Variants in MED27 observed in about 807,000 individuals in gnomAD.
MED27 encodes the protein mediator of RNA polymerase II transcription subunit 27.
MED27 carries 30 observed loss-of-function variants against 38.2 expected under a neutral mutation model. The ratio of observed to expected loss-of-function variants is 0.79; its 90% confidence interval spans 0.59 to 1.07. MED27 has a LOEUF of 1.07. MED27 is among the 50% of genes least tolerant of loss of function. The probability of loss-of-function intolerance (pLI) is 0.00; values close to 1 mark genes in which losing one functional copy is unlikely to be tolerated. For missense variants in MED27, 289 were observed against 397.5 expected, an observed-to-expected ratio of 0.73 and a Z score of 2.32; for synonymous variants, 122 against 153.5, an observed-to-expected ratio of 0.79 and a Z score of 1.52.
At chr9:132,014,108 A>C (rs1832540877) in intron 3 of MED27, among the ~76,000 whole-genome samples, 1 of 151,212 alleles carries the variant, frequency 6.6e-6, no homozygotes, top group African/African-American at 2.4e-5. Flanking sequence ...TGGGAAGCTG[A>C]GACACGAGAA....
chr9:132,054,406 G>A (rs967403474), intron 2 of MED27, among the ~76,000 whole-genome samples: 7 of 152,128 alleles, frequency 4.6e-5, no homozygotes, highest in Admixed American at 3.9e-4. Context: ...CCTGCAGAAC[G>A]GTGAACCAAT....
chr9:132,035,212 C>A (rs567103199), intron 2 of MED27, among the ~76,000 whole-genome samples: 10 of 152,270 alleles, frequency 6.6e-5, no homozygotes, highest in African/African-American at 2.4e-4. Flanking sequence ...CCAAATGAGC[C>A]CAATACCTGC....
intron 3 of MED27, among the ~76,000 whole-genome samples, chr9:131,989,781 TAA>T (rs775945545): frequency 5.0e-5 from 7 of 140,274 alleles, no homozygotes; most frequent in Non-Finnish European, 6.2e-5. Context: ...TAAACATACT[TAA>T]AAAAAAAAAA....
intron 2 of MED27, among the ~76,000 whole-genome samples, chr9:132,070,532 G>A (rs1833914014): frequency 6.6e-6 from 1 of 152,148 alleles, no homozygotes; most frequent in Non-Finnish European, 1.5e-5. Context: ...ACTCCAGCCT[G>A]GGCAACACAG....
At position 132,003,987 on chromosome 9, in the gene MED27, C is replaced by T. The variant is rs1278953203; in HGVS notation, c.479+10350G>A. Among the ~76,000 whole-genome samples the T allele has an allele frequency of 6.6e-6, 1 of 152,152 alleles. No individual in the cohort carries two copies. Among genetic ancestry groups the T allele is most frequent in the African/African-American group, 2.4e-5 (1 of 41,404 alleles). ...GTGAACATACACACACACACATACA[C>T]AGAAATTCTCTCCTCACTCTGTCTC... On this transcript the variant is annotated intron_variant, in intron 3 of 7. Coordinates refer to ENST00000292035, the MANE Select transcript of MED27 (RefSeq NM_004269.4). This position sits in a 1 kb window ranked among gnomAD's most constrained non-coding sequence, Gnocchi z 4.2.
At chr9:131,919,168 C>T (rs149256144) in intron 4 of MED27, among the ~76,000 whole-genome samples, 11 of 152,218 alleles carry the variant, frequency 7.2e-5, no homozygotes, top group Admixed American at 5.9e-4. Context: ...GACAGAATGC[C>T]GTATTTACAC....
chr9:131,938,485 T>C (rs1830722257), intron 4 of MED27, among the ~76,000 whole-genome samples: 1 of 152,228 alleles, frequency 6.6e-6, no homozygotes, highest in African/African-American at 2.4e-5. Flanking sequence ...GAGGTCTCTA[T>C]GCCTTCCTAA....
chr9:131,951,120 G>A (rs761359713), intron 3 of MED27, among the ~76,000 whole-genome samples: 6 of 152,166 alleles, frequency 3.9e-5, no homozygotes, highest in Non-Finnish European at 8.8e-5. Flanking sequence ...CTCGGCTGGA[G>A]CTCCAGATTT....
chr9:131,948,759 G>A (rs1446292807), intron 3 of MED27, among the ~76,000 whole-genome samples: 2 of 152,326 alleles, frequency 1.3e-5, no homozygotes. Context: ...TAGGCAGGCA[G>A]AGCTGGCAAG....
chr9:131,925,655 ATTAAG>A (rs1434010032), intron 4 of MED27, among the ~76,000 whole-genome samples: 1 of 152,256 alleles, frequency 6.6e-6, no homozygotes, highest in Non-Finnish European at 1.5e-5. Flanking sequence ...TTTAAAATAA[ATTAAG>A]TTAAAACCCA....
At chr9:132,041,791 A>AAC (rs1833219007) in intron 2 of MED27, among the ~76,000 whole-genome samples, 1 of 152,262 alleles carries the variant, frequency 6.6e-6, no homozygotes, top group African/African-American at 2.4e-5. Flanking sequence ...AATTACGTGC[A>AAC]AACACGTTCG....
Position 132,039,247 on chromosome 9 carries a change from C to T in MED27, c.349-24780G>A, listed in dbSNP as rs116912190. Among the ~76,000 whole-genome samples, 251 of 152,298 alleles carry T rather than the reference C, an allele frequency of 1.6e-3. 7 individuals are homozygous for T. In the East Asian group the frequency reaches 0.042, roughly 26 times the overall value. ...TTATCATCAAACCTGTCACTTACCA[C>T]GTGAGTGCTATGTGTCGGGCACTCT... On this transcript the variant is annotated intron_variant, in intron 2 of 7. Coordinates refer to ENST00000292035, the MANE Select transcript of MED27 (RefSeq NM_004269.4).
In MED27 at chr9:132,003,030, G is replaced by T. The variant is rs1192798584; in HGVS notation, c.479+11307C>A. Reference sequence around the variant, plus strand: ...GTTTCACTTACAACCAGCATTAGTTGGGGGACAGCATGGTGTGAAGTATTA... The same window carrying T: ...GTTTCACTTACAACCAGCATTAGTTTGGGGACAGCATGGTGTGAAGTATTA... On this transcript the variant is annotated intron_variant, in intron 3 of 7. Coordinates refer to ENST00000292035, the MANE Select transcript of MED27 (RefSeq NM_004269.4). This position sits in a 1 kb window ranked among gnomAD's most constrained non-coding sequence, Gnocchi z 4.2. Among the ~76,000 whole-genome samples, 1 of 152,070 alleles carries T rather than the reference G, an allele frequency of 6.6e-6. No individual in the cohort carries two copies. The highest frequency in any genetic ancestry group is 6.6e-5 in the Admixed American group (1 of 15,260).
intron 2 of MED27, among the ~76,000 whole-genome samples, chr9:132,056,917 G>A (rs1338320096): frequency 1.3e-5 from 2 of 152,224 alleles, no homozygotes; most frequent in South Asian, 2.1e-4. Flanking sequence ...TAAACTCAGA[G>A]GCCATGAGGC....
chr9:131,884,195 GA>G lies in MED27; in HGVS notation c.682-97del, dbSNP rs56021527. The G allele has an allele frequency of 3.5e-3, 3,104 of 881,872 alleles. 67 individuals are homozygous for G. The African/African-American group carries it at 0.047, about 13-fold the overall frequency. The allele number at this position is 881,872 out of a possible 1,614,324, so 54.6% of individuals were successfully genotyped here. A position where few individuals can be genotyped will look rare whatever the true frequency, so the allele number is the denominator to read the frequency against. On this transcript the variant is annotated intron_variant, in intron 5 of 7. Coordinates refer to ENST00000292035, the MANE Select transcript of MED27 (RefSeq NM_004269.4). Reference sequence around the variant, plus strand: ...ACTACTGTTAACCCTTCTTAAACTTGAAAAAAAAATCTGATTATAGAATAAT... The same window carrying G: ...ACTACTGTTAACCCTTCTTAAACTTGAAAAAAAATCTGATTATAGAATAAT...
chr9:131,865,343 G>A (rs1441041933), intron 6 of MED27, among the ~76,000 whole-genome samples: 1 of 152,126 alleles, frequency 6.6e-6, no homozygotes, highest in African/African-American at 2.4e-5. Flanking sequence ...AATTGGCGGG[G>A]GGACATTAAT....
At chr9:131,885,907 T>C (rs1202275263) in intron 5 of MED27, among the ~76,000 whole-genome samples, 1 of 152,180 alleles carries the variant, frequency 6.6e-6, no homozygotes, top group African/African-American at 2.4e-5. Context: ...ATGGAACACC[T>C]GGTCAATGGG....
intron 3 of MED27, among the ~76,000 whole-genome samples, chr9:132,005,897 TAATATGGTCCCGC>T (rs1319511800): frequency 6.6e-6 from 1 of 152,206 alleles, no homozygotes; most frequent in African/African-American, 2.4e-5. Flanking sequence ...TCCTCCTTAT[TAATATGGTCCCGC>T]AATGGAGAGA....
At chr9:131,867,054 A>G (rs894187001) in intron 6 of MED27, among the ~76,000 whole-genome samples, 2 of 151,874 alleles carry the variant, frequency 1.3e-5, no homozygotes, top group Non-Finnish European at 2.9e-5. Context: ...TCCCATCTCA[A>G]TCCTCATATC....
Sources: gnomAD v4.1 joint callset for allele counts (sites outside exome capture counted in the v4.1 genomes callset) on GRCh38, gnomAD v4.1.1 for gene constraint, Gnocchi (gnomAD v3.1) non-coding constraint, MANE v1.5 for transcripts, NCBI Gene and HGNC (gene_info 2026-07-23, HGNC 2026-07-21) for gene names.